PRKD1: variants seen among roughly 807,000 people sequenced by gnomAD.
PRKD1 encodes protein kinase D1, also known as serine/threonine-protein kinase D1.
Under a neutral mutation model 95.9 loss-of-function variants are expected in PRKD1, and 63 were observed. That is an observed-to-expected ratio of 0.66 (90% CI 0.54 to 0.81). The LOEUF (loss-of-function observed/expected upper bound fraction) is 0.81. Among genes scored for constraint, PRKD1 ranks in the 30% least tolerant of loss-of-function variants. The pLI, the probability that PRKD1 is intolerant of heterozygous loss-of-function variation, is 0.00. For missense variants in PRKD1, 1,048 were observed against 1,165.3 expected, an observed-to-expected ratio of 0.90 and a Z score of 1.47; for synonymous variants, 425 against 423.1, an observed-to-expected ratio of 1.00 and a Z score of -0.05.
At chr14:29,683,481 G>A (rs979480993) in intron 2 of PRKD1, among the ~76,000 whole-genome samples, 1 of 152,140 alleles carries the variant, frequency 6.6e-6, no homozygotes, top group Admixed American at 6.5e-5. Flanking sequence ...CAGGACAGAG[G>A]TTAGGGGAAA....
In PRKD1 at chr14:29,629,045, T is replaced by A. The variant is rs1217294086; in HGVS notation, c.1721A>T (p.Asn574Ile). 1 of 1,602,338 alleles carries A rather than the reference T, an allele frequency of 6.2e-7. No homozygotes were observed. The highest frequency in any genetic ancestry group is 1.1e-5 in the South Asian group (1 of 90,042). Residue 574 changes from asparagine to isoleucine, a missense_variant, in exon 11 of 18, where the codon AAT (asparagine) becomes ATT (isoleucine). Transcript: ENST00000331968. The stretch of plus-strand genomic sequence containing the variant: ...TATTAGTAGGTACATACTTACCACA[T>A]TTTCTTGAATCTGGCAATTTGATAC... ...ISVSNCQIQE[N>I]VDISTVYQIF...
At chr14:29,919,810 C>G (rs1373030716) in intron 1 of PRKD1, among the ~76,000 whole-genome samples, 1 of 152,036 alleles carries the variant, frequency 6.6e-6, no homozygotes, top group Non-Finnish European at 1.5e-5. Context: ...ACTAAAAATA[C>G]AGAAAATCAT....
intron 1 of PRKD1, among the ~76,000 whole-genome samples, chr14:29,912,736 A>G (rs1894762006): frequency 6.6e-6 from 1 of 152,208 alleles, no homozygotes; most frequent in Non-Finnish European, 1.5e-5. Context: ...TTTTTAGCTA[A>G]CCGTATTTTC....
At chr14:29,704,685 T>C (rs753162618) in intron 2 of PRKD1, among the ~76,000 whole-genome samples, 1 of 152,176 alleles carries the variant, frequency 6.6e-6, no homozygotes, top group Admixed American at 6.6e-5. Context: ...TAACTGGTTT[T>C]CTTTGTTTTG....
chr14:29,887,059 A>AAAAGT (rs1893734127), intron 1 of PRKD1, among the ~76,000 whole-genome samples: 3 of 152,206 alleles, frequency 2.0e-5, no homozygotes, highest in Admixed American at 2.0e-4. Flanking sequence ...TTTTTCCAGC[A>AAAAGT]ATGATGCACC....
intron 1 of PRKD1, among the ~76,000 whole-genome samples, chr14:29,916,260 G>A: frequency 6.6e-6 from 1 of 152,180 alleles, no homozygotes; most frequent in Non-Finnish European, 1.5e-5. Context: ...AATTTCTAAA[G>A]AGGACTACTC....
At chr14:29,744,793 C>A (rs1473659106) in intron 1 of PRKD1, among the ~76,000 whole-genome samples, 1 of 152,100 alleles carries the variant, frequency 6.6e-6, no homozygotes, top group Non-Finnish European at 1.5e-5. Context: ...GTGATCCACC[C>A]GCCTTGGCCT....
intron 2 of PRKD1, among the ~76,000 whole-genome samples, chr14:29,686,279 G>GC (rs1566538953): frequency 6.6e-6 from 1 of 152,078 alleles, no homozygotes; most frequent in African/African-American, 2.4e-5. Flanking sequence ...GGATGGACTC[G>GC]CGAGCACCAG....
intron 1 of PRKD1, among the ~76,000 whole-genome samples, chr14:29,750,932 C>T (rs575386751): frequency 6.6e-6 from 1 of 152,284 alleles, no homozygotes; most frequent in African/African-American, 2.4e-5. Flanking sequence ...TTCCCCATGA[C>T]GGTGGACATT....
chr14:29,754,752 C>T (rs1477456529), intron 1 of PRKD1, among the ~76,000 whole-genome samples: 1 of 151,906 alleles, frequency 6.6e-6, no homozygotes, highest in Non-Finnish European at 1.5e-5. Context: ...CATCTTAATA[C>T]TTAAAGAACA....
intron 1 of PRKD1, among the ~76,000 whole-genome samples, chr14:29,862,811 T>C (rs1478033518): frequency 6.6e-6 from 1 of 152,178 alleles, no homozygotes; most frequent in Non-Finnish European, 1.5e-5. Context: ...TCCTATTCTG[T>C]GGGTTGTCTC....
At chr14:29,601,178 G>T (rs1893503240) in intron 13 of PRKD1, among the ~76,000 whole-genome samples, 2 of 152,186 alleles carry the variant, frequency 1.3e-5, no homozygotes, top group Non-Finnish European at 2.9e-5. Flanking sequence ...AGCAGCAGAA[G>T]GGGTTGTGGG....
At chr14:29,787,314 G>C (rs886411063) in intron 1 of PRKD1, among the ~76,000 whole-genome samples, 2 of 146,114 alleles carry the variant, frequency 1.4e-5, no homozygotes, top group Non-Finnish European at 3.0e-5. Flanking sequence ...GCTACTGGAT[G>C]AAATATTATG....
At chr14:29,738,190 A>G (rs1408238018) in intron 1 of PRKD1, among the ~76,000 whole-genome samples, 1 of 152,220 alleles carries the variant, frequency 6.6e-6, no homozygotes, top group African/African-American at 2.4e-5. Flanking sequence ...TTATATCCTC[A>G]AAAGGAGGAA....
At chr14:29,712,615 A>G (rs1885388588) in intron 2 of PRKD1, among the ~76,000 whole-genome samples, 1 of 152,184 alleles carries the variant, frequency 6.6e-6, no homozygotes, top group African/African-American at 2.4e-5. Context: ...TTGAATGTTA[A>G]AAAAGTGAAG....
At chr14:29,706,297 C>A (rs1374067907) in intron 2 of PRKD1, among the ~76,000 whole-genome samples, 3 of 152,064 alleles carry the variant, frequency 2.0e-5, no homozygotes, top group Admixed American at 6.6e-5. Context: ...TTGGTTTCCC[C>A]ATTTCTTTTT....
chr14:29,686,892 A>C (rs185143965), intron 2 of PRKD1, among the ~76,000 whole-genome samples: 1 of 152,334 alleles, frequency 6.6e-6, no homozygotes, highest in African/African-American at 2.4e-5. Flanking sequence ...ATCACGGCAC[A>C]GAACTTAACC....
At chr14:29,851,078 A>C (rs1892289621) in intron 1 of PRKD1, among the ~76,000 whole-genome samples, 1 of 151,818 alleles carries the variant, frequency 6.6e-6, no homozygotes, top group South Asian at 2.1e-4. Context: ...CCTGAACTAA[A>C]GATTGATTAA....
At chr14:29,900,214 C>T (rs750179048) in intron 1 of PRKD1, among the ~76,000 whole-genome samples, 20 of 152,160 alleles carry the variant, frequency 1.3e-4, no homozygotes, top group Non-Finnish European at 2.4e-4. Flanking sequence ...ACTGCACAGA[C>T]GTTTATTATC....
Sources: allele counts gnomAD v4.1 joint callset (sites outside exome capture counted in the v4.1 genomes callset), GRCh38; gene constraint gnomAD v4.1.1; transcripts MANE v1.5; gene names NCBI Gene and HGNC (gene_info 2026-07-23, HGNC 2026-07-21).